The following NGEF variants were observed in gnomAD, a reference collection of about 807,000 sequenced individuals.
NGEF encodes the protein ephexin-1.
NGEF carries 31 observed loss-of-function variants against 80.9 expected under a neutral mutation model. That is an observed-to-expected ratio of 0.38 (90% CI 0.29 to 0.52). The LOEUF (loss-of-function observed/expected upper bound fraction) is 0.52. Ranked by LOEUF, NGEF falls within the 20% of genes least tolerant of loss-of-function variation. The pLI, the probability that NGEF is intolerant of heterozygous loss-of-function variation, is 0.84. For synonymous variants in NGEF, 371 were observed against 370.2 expected (o/e 1.00, Z -0.03); for missense variants, 709 against 926.2 (o/e 0.77, Z 3.04).
chr2:232,951,171 T>C (rs747378279), intron 3 of NGEF, among the ~76,000 whole-genome samples: 1 of 152,188 alleles, frequency 6.6e-6, no homozygotes, highest in Non-Finnish European at 1.5e-5. Flanking sequence ...AGCTCCCAGA[T>C]GGACAGACAC....
At chr2:232,950,468 C>A (rs897662566) in intron 3 of NGEF, among the ~76,000 whole-genome samples, 1 of 152,028 alleles carries the variant, frequency 6.6e-6, no homozygotes, top group Non-Finnish European at 1.5e-5. Context: ...TCCCAACCCC[C>A]CTTTGCCCCT....
Position 232,879,210 on chromosome 2 carries a change from T to TCCACCCCCTC in NGEF, c.*269_*278dup, listed in dbSNP as rs1472602955. 1 of 344,886 alleles carries TCCACCCCCTC rather than the reference T, an allele frequency of 2.9e-6. No homozygotes were observed. The highest frequency in any genetic ancestry group is 2.1e-5 in the African/African-American group (1 of 48,432). 21.4% of individuals were successfully genotyped at this position (344,886 alleles called of 1,614,324 possible). ...GGGCCCTGGAGTGTGCCCACCCCCT[T>TCCACCCCCTC]CCACCCCCTCGGAGGCATGAGGGAG... On this transcript the variant is annotated 3_prime_UTR_variant, in exon 15 of 15. Coordinates refer to ENST00000264051, the MANE Select transcript of NGEF (RefSeq NM_019850.3).
chr2:232,938,884 T>A (rs1693383905), intron 3 of NGEF, among the ~76,000 whole-genome samples: 1 of 141,382 alleles, frequency 7.1e-6, no homozygotes, highest in Non-Finnish European at 1.5e-5. Flanking sequence ...ATATTCTTAA[T>A]TAGAACTCAA....
chr2:232,965,128 GC>G (rs1255200961), intron 3 of NGEF, among the ~76,000 whole-genome samples: 1 of 152,196 alleles, frequency 6.6e-6, no homozygotes, highest in African/African-American at 2.4e-5. Flanking sequence ...AATATTTGGG[GC>G]TTTTCCAAGA....
At chr2:232,943,543 T>G (rs959933915) in intron 3 of NGEF, among the ~76,000 whole-genome samples, 3 of 125,036 alleles carry the variant, frequency 2.4e-5, no homozygotes, top group African/African-American at 5.6e-5. Flanking sequence ...TCGCCCAGGC[T>G]GGAGTGCAGT....
Position 232,883,409 on chromosome 2 carries a change from C to G in NGEF, c.1659G>C (p.Leu553=). 6.2e-7 allele frequency: 1 copy of G among 1,611,264 alleles called. No homozygotes were observed. Among genetic ancestry groups the G allele is most frequent in the African/African-American group, 1.3e-5 (1 of 75,002 alleles). The change falls in exon 12 of 15, where the codon CTG becomes CTC. Residue 553 remains leucine, a synonymous_variant. Coordinates refer to ENST00000264051, the MANE Select transcript of NGEF (RefSeq NM_019850.3). ...TGGCCAGCGTCTGGCCCTGGTCCTCCAGCTCCTCCACACGCAGCAGTCCCC... is the reference window on the plus strand; with the variant it reads ...TGGCCAGCGTCTGGCCCTGGTCCTCGAGCTCCTCCACACGCAGCAGTCCCC... ...APRGLLRVEE[L]EDQGQTLANV...
At chr2:232,969,458 C>CTTCT in intron 3 of NGEF, among the ~76,000 whole-genome samples, 1 of 88,050 alleles carries the variant, frequency 1.1e-5, no homozygotes, top group African/African-American at 7.7e-5. Flanking sequence ...CCCTTCCTTC[C>CTTCT]TTCCTTCCTT....
chr2:232,996,223 G>C (rs754130130), intron 1 of NGEF, among the ~76,000 whole-genome samples: 5 of 152,100 alleles, frequency 3.3e-5, no homozygotes, highest in Non-Finnish European at 5.9e-5. Context: ...AGCTACTCGG[G>C]AGGCTGAGGC....
intron 5 of NGEF, among the ~76,000 whole-genome samples, chr2:232,913,579 A>G (rs1320354427): frequency 6.6e-6 from 1 of 152,158 alleles, no homozygotes; most frequent in Admixed American, 6.5e-5. Flanking sequence ...TTGACTGTAT[A>G]TTGACTATAT....
intron 3 of NGEF, among the ~76,000 whole-genome samples, chr2:232,954,720 G>C (rs552322321): frequency 8.5e-6 from 1 of 118,178 alleles, no homozygotes; most frequent in Non-Finnish European, 1.9e-5. Context: ...GCGAGACTCC[G>C]TCTCAAAAGA....
At chr2:233,001,985 CAG>C (rs1223515520) in intron 1 of NGEF, among the ~76,000 whole-genome samples, 1 of 151,962 alleles carries the variant, frequency 6.6e-6, no homozygotes, top group Non-Finnish European at 1.5e-5. Context: ...GCCTGGGCAA[CAG>C]AGAGAGACTC....
chr2:232,947,697 C>A (rs1693587081), intron 3 of NGEF, among the ~76,000 whole-genome samples: 1 of 152,106 alleles, frequency 6.6e-6, no homozygotes, highest in Non-Finnish European at 1.5e-5. Context: ...TATAAATTAC[C>A]CAGTCTCGAG....
chr2:232,920,848 A>G (rs1692928158), intron 4 of NGEF, among the ~76,000 whole-genome samples: 1 of 152,042 alleles, frequency 6.6e-6, no homozygotes, highest in African/African-American at 2.4e-5. Context: ...TCAAAATCCA[A>G]TATATGCTTT....
intron 3 of NGEF, among the ~76,000 whole-genome samples, chr2:232,931,387 A>G (rs1693214275): frequency 6.6e-6 from 1 of 152,212 alleles, no homozygotes; most frequent in Non-Finnish European, 1.5e-5. Context: ...TTGGATATTT[A>G]GTTGAGTGGA....
At chr2:232,893,989 G>A (rs1395129740) in intron 6 of NGEF, among the ~76,000 whole-genome samples, 3 of 152,120 alleles carry the variant, frequency 2.0e-5, no homozygotes, top group Non-Finnish European at 4.4e-5. Context: ...ATGTGATGCT[G>A]AGCGGATCCC....
intron 5 of NGEF, chr2:232,901,402 CTG>C (rs904826065): frequency 4.5e-5 from 44 of 985,444 alleles, no homozygotes; most frequent in Non-Finnish European, 4.7e-5. Flanking sequence ...CCGTGGACCT[CTG>C]GGCCGTGCAT....
intron 1 of NGEF, among the ~76,000 whole-genome samples, chr2:233,008,593 A>G (rs939705888): frequency 6.6e-6 from 1 of 152,174 alleles, no homozygotes; most frequent in East Asian, 1.9e-4. Flanking sequence ...ATCCCCTGTC[A>G]CTGCCTCTGT....
At chr2:232,947,924 AC>A (rs1378393124) in intron 3 of NGEF, among the ~76,000 whole-genome samples, 8 of 152,206 alleles carry the variant, frequency 5.3e-5, no homozygotes, top group Admixed American at 1.3e-4. Context: ...TTGAAACTCG[AC>A]TAGATCTTTT....
At chr2:232,996,428 C>G (rs1198288502) in intron 1 of NGEF, among the ~76,000 whole-genome samples, 1 of 152,160 alleles carries the variant, frequency 6.6e-6, no homozygotes, top group Non-Finnish European at 1.5e-5. Context: ...CTACCGAGGG[C>G]TGTTATGAGA....
Sources: gnomAD v4.1 joint callset for allele counts (sites outside exome capture counted in the v4.1 genomes callset) on GRCh38, gnomAD v4.1.1 for gene constraint, MANE v1.5 for transcripts, NCBI Gene and HGNC (gene_info 2026-07-23, HGNC 2026-07-21) for gene names.